The following CCNH variants were observed in gnomAD, a reference collection of about 807,000 sequenced individuals.
CCNH encodes cyclin-H.
Under a neutral mutation model 41.9 loss-of-function variants are expected in CCNH, and 31 were observed. The observed-to-expected ratio is 0.74, with a 90% CI of 0.56 to 1.00. The LOEUF (loss-of-function observed/expected upper bound fraction) is 1.00, where lower values mean the gene tolerates loss of function less well. Ranked by LOEUF, CCNH falls within the 50% of genes least tolerant of loss-of-function variation. CCNH has a pLI of 0.00. For missense variants in CCNH, 362 were observed against 388.4 expected (o/e 0.93, Z 0.57); for synonymous variants, 138 against 136.1 (o/e 1.01, Z -0.10).
intron 8 of CCNH, 80 bp downstream of exon 8, chr5:87,394,964 G>A (rs1351445052): frequency 1.2e-6 from 2 of 1,601,028 alleles, no homozygotes; most frequent in East Asian, 2.2e-5. Flanking sequence ...TGTACTCTTG[G>A]AGAATAAATC....
chr5:87,379,631 C>T, upstream of CCNH: 1 of 1,469,158 alleles, frequency 6.8e-7, no homozygotes, highest in Non-Finnish European at 9.1e-7. Flanking sequence ...CACAGAGATA[C>T]CGAAAAATAG....
chr5:87,412,815 C>G lies in CCNH; in HGVS notation c.-21G>C. 6.2e-7 allele frequency: 1 copy of G among 1,611,112 alleles called. No individual in the cohort carries two copies. Among genetic ancestry groups the G allele is most frequent in the Non-Finnish European group, 8.5e-7 (1 of 1,177,596 alleles). On this transcript the variant is annotated 5_prime_UTR_variant, in exon 1 of 9. Transcript: ENST00000256897. ...TACATTATGGAATCGTGACCAGGTC[C>G]AGAGGGTCTGCAGACGAGAACCCAA...
chr5:87,358,263 A>C (rs964508491), intron 9 of CCNH, among the ~76,000 whole-genome samples: 1 of 152,166 alleles, frequency 6.6e-6, no homozygotes, highest in Admixed American at 6.5e-5. Context: ...TTTTGAGACA[A>C]TATACCCCAT....
chr5:87,394,778 T>A, intron 8 of CCNH: 1 of 1,341,970 alleles, frequency 7.5e-7, no homozygotes, highest in Non-Finnish European at 9.5e-7. Flanking sequence ...CCTTGGAGAA[T>A]AAGAAAAAAA....
intron 9 of CCNH, among the ~76,000 whole-genome samples, chr5:87,360,434 T>C (rs1759999202): frequency 6.6e-6 from 1 of 152,220 alleles, no homozygotes; most frequent in Admixed American, 6.5e-5. Flanking sequence ...TTGAAAACTC[T>C]GATGGCTCAT....
chr5:87,376,333 T>A, exon 1 of CCNH: 1 of 1,584,180 alleles, frequency 6.3e-7, no homozygotes, highest in Non-Finnish European at 8.6e-7. Context: ...GAAAATTTAC[T>A]TGCATGACTA....
chr5:87,321,609 AGCCATATGGCAAGGTCTGGAT>A (rs1756813255), intron 9 of CCNH, among the ~76,000 whole-genome samples: 1 of 152,266 alleles, frequency 6.6e-6, no homozygotes, highest in African/African-American at 2.4e-5. Flanking sequence ...ACAAGTAAAC[AGCCATATGGCAAGGTCTGGAT>A]GCCATAGGGC....
At chr5:87,382,467 A>C (rs558677423) in intron 9 of CCNH, among the ~76,000 whole-genome samples, 1 of 152,314 alleles carries the variant, frequency 6.6e-6, no homozygotes, top group Admixed American at 6.5e-5. Flanking sequence ...GATTATGTCT[A>C]TCAATCTGTA....
chr5:87,338,535 A>ATTTTTT lies in CCNH; in HGVS notation c.*91-19639_*91-19638insAAAAAA, dbSNP rs1561292521. On this transcript the variant is annotated intron_variant and NMD_transcript_variant, in intron 9 of 9. Coordinates refer to the CCNH transcript ENST00000645953. The stretch of plus-strand genomic sequence containing the variant: ...TATATATATATATATATATATATAA[A>ATTTTTT]ATTTTTTTTTTTTTTAAGTAGAAAT... 4.0e-4 allele frequency among the ~76,000 whole-genome samples: 38 copies of ATTTTTT among 95,892 alleles called. 1 individual carries two copies. Among genetic ancestry groups the ATTTTTT allele is most frequent in the African/African-American group, 1.6e-3 (33 of 20,938 alleles). The allele number at this position is 95,892 out of a possible 152,430, so 62.9% of individuals were successfully genotyped here.
At chr5:87,390,681 T>C (rs1580421800), downstream of CCNH, 5 of 788,070 alleles carry the variant, frequency 6.3e-6, no homozygotes, top group East Asian at 8.0e-5. Context: ...TTGAGGGGAA[T>C]TGTGGTAATA....
chr5:87,368,320 C>T (rs894068280), intron 9 of CCNH, among the ~76,000 whole-genome samples: 1 of 151,978 alleles, frequency 6.6e-6, no homozygotes, highest in Non-Finnish European at 1.5e-5. Context: ...TTTAAAGATA[C>T]AGTTTCTGGC....
At chr5:87,399,029 C>T (rs532581745) in intron 7 of CCNH, among the ~76,000 whole-genome samples, 1 of 151,416 alleles carries the variant, frequency 6.6e-6, no homozygotes, top group South Asian at 2.1e-4. Flanking sequence ...TAACAGAAGT[C>T]TGGAAGAGCA....
chr5:87,353,122 A>T, intron 9 of CCNH: 1 of 1,532,548 alleles, frequency 6.5e-7, no homozygotes, highest in Admixed American at 1.7e-5. Context: ...CAGTTTTATG[A>T]GACAGATTAA....
chr5:87,398,686 T>C lies in CCNH; in HGVS notation c.872+708A>G, dbSNP rs3093835. 1.4e-3 allele frequency among the ~76,000 whole-genome samples: 214 copies of C among 152,278 alleles called. 1 individual carries two copies. The highest frequency in any genetic ancestry group is 4.9e-3 in the African/African-American group (204 of 41,546). ...AGAAATTACATGGCCTCTTTTCCTA[T>C]TGGCTTTGTGGTCACTATAAAGTTT... On this transcript the variant is annotated intron_variant, in intron 7 of 8. Transcript: ENST00000256897.
upstream of CCNH, chr5:87,379,664 CTT>C: frequency 6.4e-7 from 1 of 1,570,450 alleles, no homozygotes; most frequent in Non-Finnish European, 8.6e-7. Flanking sequence ...ACTATAACTA[CTT>C]GTTTTCCTCT....
At chr5:87,394,878 C>T in intron 8 of CCNH, 166 bp downstream of exon 8, 1 of 1,404,694 alleles carries the variant, frequency 7.1e-7, no homozygotes, top group South Asian at 1.8e-5. Flanking sequence ...AGAGAAAAAT[C>T]CCTTTAATAA....
upstream of CCNH, chr5:87,378,603 A>G: frequency 2.7e-6 from 4 of 1,455,242 alleles, no homozygotes; most frequent in Non-Finnish European, 3.8e-6. Flanking sequence ...AATAATTTGT[A>G]GCCAATTACA....
At chr5:87,398,008 G>A (rs997196987) in intron 7 of CCNH, among the ~76,000 whole-genome samples, 1 of 152,082 alleles carries the variant, frequency 6.6e-6, no homozygotes, top group East Asian at 1.9e-4. Context: ...GCCAACCCCT[G>A]GTCTAATCCC....
At chr5:87,317,621 T>C (rs182969878), downstream of CCNH, among the ~76,000 whole-genome samples, 9 of 152,102 alleles carry the variant, frequency 5.9e-5, no homozygotes, top group East Asian at 1.4e-3. Flanking sequence ...AATAAGACTG[T>C]TTTTCTCATG....
Sources: allele counts gnomAD v4.1 joint callset (sites outside exome capture counted in the v4.1 genomes callset), GRCh38; gene constraint gnomAD v4.1.1; transcripts MANE v1.5; gene names NCBI Gene and HGNC (gene_info 2026-07-23, HGNC 2026-07-21).